The following CDK14 variants were observed in gnomAD, a reference collection of about 807,000 sequenced individuals.
The protein encoded by CDK14 is cyclin dependent kinase 14.
In CDK14, 34 loss-of-function variants were observed where a neutral mutation model predicts 60.7. That is an observed-to-expected ratio of 0.56 (90% CI 0.43 to 0.75). The LOEUF is 0.75. CDK14 is among the 30% of genes least tolerant of loss of function. The pLI is 0.00. For missense variants in CDK14, 482 were observed against 564.1 expected, an observed-to-expected ratio of 0.85 and a Z score of 1.47; for synonymous variants, 197 against 203.7, an observed-to-expected ratio of 0.97 and a Z score of 0.28.
chr7:91,017,691 G>A (rs1217099687), intron 10 of CDK14, among the ~76,000 whole-genome samples: 3 of 152,172 alleles, frequency 2.0e-5, no homozygotes, highest in African/African-American at 7.2e-5. Flanking sequence ...CTATATGATG[G>A]ATGAGTATCA....
At chr7:91,066,637 T>G (rs1358344675) in intron 11 of CDK14, among the ~76,000 whole-genome samples, 2 of 152,212 alleles carry the variant, frequency 1.3e-5, no homozygotes, top group African/African-American at 4.8e-5. Flanking sequence ...GGTTAAAGTT[T>G]GCTTTGTAGT....
At chr7:91,127,544 A>C (rs1799989303) in intron 14 of CDK14, among the ~76,000 whole-genome samples, 1 of 152,180 alleles carries the variant, frequency 6.6e-6, no homozygotes, top group Non-Finnish European at 1.5e-5. Flanking sequence ...ATTCACGTGC[A>C]GTCTCATTGA....
At chr7:90,848,612 G>A (rs990134321) in intron 5 of CDK14, among the ~76,000 whole-genome samples, 1 of 152,154 alleles carries the variant, frequency 6.6e-6, no homozygotes, top group Non-Finnish European at 1.5e-5. Context: ...CTCTGAGATT[G>A]AATTGGAGCA....
chr7:90,609,244 C>T (rs553629179), intron 2 of CDK14, among the ~76,000 whole-genome samples: 56 of 152,152 alleles, frequency 3.7e-4, no homozygotes, highest in South Asian at 1.7e-3. Context: ...ATGCTGGTCT[C>T]GAACTCCTGG....
intron 2 of CDK14, among the ~76,000 whole-genome samples, chr7:90,633,899 G>A (rs188424183): frequency 4.6e-5 from 7 of 152,246 alleles, no homozygotes; most frequent in Non-Finnish European, 8.8e-5. Context: ...CTTTGTTGGA[G>A]ACTTTAGTCG....
chr7:91,034,862 G>T (rs1194465984), intron 10 of CDK14, among the ~76,000 whole-genome samples: 2 of 151,830 alleles, frequency 1.3e-5, no homozygotes. Flanking sequence ...TTTAGGTAAG[G>T]CCTAGGGAAT....
intron 2 of CDK14, among the ~76,000 whole-genome samples, chr7:90,697,829 G>A (rs1409716768): frequency 6.6e-6 from 1 of 152,062 alleles, no homozygotes; most frequent in Non-Finnish European, 1.5e-5. Flanking sequence ...AGCACTTTGG[G>A]AGGCTGAGGC....
intron 14 of CDK14, among the ~76,000 whole-genome samples, chr7:91,146,426 C>G (rs1003163474): frequency 2.0e-5 from 3 of 149,442 alleles, no homozygotes; most frequent in African/African-American, 7.3e-5. Flanking sequence ...GTCTTGAACT[C>G]ATGACCTCAG....
At chr7:91,065,953 G>A (rs1000077941) in intron 11 of CDK14, among the ~76,000 whole-genome samples, 6 of 152,166 alleles carry the variant, frequency 3.9e-5, no homozygotes, top group African/African-American at 1.4e-4. Flanking sequence ...CCTTGTAAGG[G>A]ACTGGAGCCT....
At chr7:90,919,203 T>C (rs1008431977) in intron 8 of CDK14, among the ~76,000 whole-genome samples, 1 of 152,166 alleles carries the variant, frequency 6.6e-6, no homozygotes, top group African/African-American at 2.4e-5. Context: ...TGTGTTAATA[T>C]ACTGTAAGGT....
chr7:91,011,599 T>C (rs544550710), intron 10 of CDK14, among the ~76,000 whole-genome samples: 4 of 152,262 alleles, frequency 2.6e-5, no homozygotes, highest in South Asian at 4.1e-4. Flanking sequence ...GTTCATTGAC[T>C]GATTATCACA....
intron 10 of CDK14, among the ~76,000 whole-genome samples, chr7:91,041,685 C>A (rs1463040586): frequency 1.3e-5 from 2 of 152,152 alleles, no homozygotes; most frequent in Admixed American, 1.3e-4. Context: ...ATGTCAACTC[C>A]CTTGATGAAT....
chr7:91,145,533 G>A (rs1800599479), intron 14 of CDK14, among the ~76,000 whole-genome samples: 1 of 152,048 alleles, frequency 6.6e-6, no homozygotes, highest in Non-Finnish European at 1.5e-5. Flanking sequence ...CCTCAAATTG[G>A]GTCATTAGTG....
intron 2 of CDK14, among the ~76,000 whole-genome samples, chr7:90,686,466 T>C (rs979450668): frequency 1.3e-5 from 2 of 152,162 alleles, no homozygotes; most frequent in African/African-American, 2.4e-5. Flanking sequence ...AATTAACTTA[T>C]GAAAAATGAA....
intron 11 of CDK14, among the ~76,000 whole-genome samples, chr7:91,050,105 G>A (rs960607008): frequency 1.3e-5 from 2 of 152,146 alleles, no homozygotes; most frequent in African/African-American, 4.8e-5. Context: ...AGGAGTGGAG[G>A]GCTGATAATG....
intron 10 of CDK14, among the ~76,000 whole-genome samples, chr7:91,009,681 G>A (rs958228759): frequency 6.6e-6 from 1 of 151,878 alleles, no homozygotes; most frequent in African/African-American, 2.4e-5. Context: ...CTTTTTTATT[G>A]GATTACTAAT....
intron 11 of CDK14, among the ~76,000 whole-genome samples, chr7:91,058,674 G>A (rs1226297730): frequency 6.6e-6 from 1 of 152,144 alleles, no homozygotes; most frequent in Admixed American, 6.5e-5. Flanking sequence ...TGTGGTTTTT[G>A]TCATTGGTTC....
chr7:90,642,093 A>G (rs1259976706), intron 2 of CDK14, among the ~76,000 whole-genome samples: 2 of 152,208 alleles, frequency 1.3e-5, no homozygotes, highest in Non-Finnish European at 2.9e-5. Flanking sequence ...ACAAGATGAG[A>G]TTTGAGTGGG....
intron 14 of CDK14, among the ~76,000 whole-genome samples, chr7:91,193,688 A>C (rs2115953824): frequency 6.6e-6 from 1 of 152,280 alleles, no homozygotes; most frequent in African/African-American, 2.4e-5. Context: ...TCAACTACAA[A>C]GAATTTATGG....
Sources: allele counts gnomAD v4.1 joint callset (sites outside exome capture counted in the v4.1 genomes callset), GRCh38; gene constraint gnomAD v4.1.1; transcripts MANE v1.5; gene names NCBI Gene and HGNC (gene_info 2026-07-23, HGNC 2026-07-21).